DUSP15: variants seen among roughly 807,000 people sequenced by gnomAD.
DUSP15 encodes dual specificity protein phosphatase 15.
DUSP15 carries 23 observed loss-of-function variants against 26.3 expected under a neutral mutation model. The observed-to-expected ratio is 0.87, with a 90% CI of 0.63 to 1.24. DUSP15 has a LOEUF of 1.24. Ranked by LOEUF, DUSP15 falls within the 50% of genes most tolerant of loss-of-function variation. The pLI is 0.00. For missense variants in DUSP15, 364 were observed against 320.6 expected (o/e 1.14, Z -1.03); for synonymous variants, 143 against 135.5 (o/e 1.06, Z -0.39).
In DUSP15 at chr20:31,848,715, G is replaced by A; in HGVS notation, c.726+91C>T. The A allele has an allele frequency of 2.7e-6, 4 of 1,488,698 alleles. No individual in the cohort carries two copies. The South Asian group carries it at 3.9e-5, about 14-fold the overall frequency. 92.2% of individuals were successfully genotyped at this position (1,488,698 alleles called of 1,614,324 possible). A position where few individuals can be genotyped will look rare whatever the true frequency, so the allele number is the denominator to read the frequency against. ...ACCCGAGGGTGCTAGAAGTGTCAGA[G>A]GCAGAGCTGGGACTGGAGGGAGTGT... On this transcript the variant is annotated intron_variant, in intron 9 of 9. Coordinates refer to the DUSP15 transcript ENST00000278979.
intron 3 of DUSP15, among the ~76,000 whole-genome samples, chr20:31,866,835 G>C (rs1196581587): frequency 6.6e-6 from 1 of 152,198 alleles, no homozygotes; most frequent in Admixed American, 6.5e-5. Flanking sequence ...TAGATGGCCT[G>C]TGTTCATACC....
intron 9 of DUSP15, chr20:31,848,595 C>A (rs746154030): frequency 6.5e-6 from 10 of 1,537,908 alleles, no homozygotes; most frequent in Non-Finnish European, 7.0e-6. Flanking sequence ...GATGAGCAGA[C>A]CCTCTCCATT....
Position 31,850,611 on chromosome 20 carries a change from C to A in DUSP15, c.491+1G>T, listed in dbSNP as rs779030475. 6.2e-7 allele frequency: 1 copy of A among 1,610,758 alleles called. No individual in the cohort carries two copies. Among genetic ancestry groups the A allele is most frequent in the South Asian group, 1.1e-5 (1 of 90,352 alleles). ...GAGGGGAGGGGATTTCGATTCCTTACCAGGTTGCTGAAGTCATCGGAGGGC... is the reference window on the plus strand; with the variant it reads ...GAGGGGAGGGGATTTCGATTCCTTAACAGGTTGCTGAAGTCATCGGAGGGC... On this transcript the variant is annotated splice_donor_variant, in intron 7 of 9. Coordinates refer to the DUSP15 transcript ENST00000278979. LOFTEE classifies it high-confidence loss of function.
In DUSP15 at chr20:31,850,645, C is replaced by A. The variant is rs938926916; in HGVS notation, c.458G>T (p.Gly153Val). Residue 153 changes from glycine to valine, a missense_variant, in exon 7 of 10, where the codon GGT becomes GTT. Gly to Val is a moderately radical substitution (Grantham distance 109). Transcript: ENST00000278979. ...TGAAGTCATCGGAGGGCATTGGGCA[C>A]CAGAGGTTTTTGAGGTCCTATGTCT... The A allele has an allele frequency of 6.2e-6, 10 of 1,611,804 alleles. No homozygotes were observed. The African/African-American group carries it at 1.3e-4, about 22-fold the overall frequency.
exon 9 of DUSP15, chr20:31,848,844 G>A: frequency 6.2e-7 from 1 of 1,612,278 alleles, no homozygotes. Context: ...TGCTGTGTGG[G>A]GCCCGGGTCC....
At chr20:31,865,030 G>A (rs180985537) in intron 3 of DUSP15, 28 bp from the exon 4 acceptor site, 34 of 1,613,880 alleles carry the variant, frequency 2.1e-5, no homozygotes, top group Non-Finnish European at 2.0e-5. Context: ...ACTCAGGCAG[G>A]GGACCTTGCC....
rs2062873649 is a variant in DUSP15, at chr20:31,869,662, C to T, written c.22-65G>A. 3 of 1,592,584 alleles carry T rather than the reference C, an allele frequency of 1.9e-6. No individual in the cohort carries two copies. The Admixed American group carries it at 5.3e-5, about 28-fold the overall frequency. ...GCACCCCCTTCCACCCCCAGGGCAG[C>T]TGGGGGGCCCACAGCCCCTCTCTGT... On this transcript the variant is annotated intron_variant, in intron 1 of 6. Coordinates refer to ENST00000339738, the MANE Select transcript of DUSP15 (RefSeq NM_080611.5).
chr20:31,859,920 T>C (rs896237554), downstream of DUSP15, among the ~76,000 whole-genome samples: 15 of 152,222 alleles, frequency 9.9e-5, no homozygotes, highest in Admixed American at 3.3e-4. Context: ...TAACTCATGA[T>C]GGTAGGTAGT....
At chr20:31,850,688 G>C (rs568417155) in intron 6 of DUSP15, 1 of 1,609,696 alleles carries the variant, frequency 6.2e-7, no homozygotes, top group African/African-American at 1.3e-5. Context: ...TGGTGAAGGA[G>C]AGGAAGCAGT....
Position 31,861,271 on chromosome 20 carries a change from G to C in DUSP15, c.*132C>G, listed in dbSNP as rs2062642286. 11 of 1,363,728 alleles carry C rather than the reference G, an allele frequency of 8.1e-6. No individual in the cohort carries two copies. The highest frequency in any genetic ancestry group is 2.6e-4 in the Middle Eastern group (1 of 3,902). 84.5% of individuals were successfully genotyped at this position (1,363,728 alleles called of 1,614,324 possible). A position where few individuals can be genotyped will look rare whatever the true frequency, so the allele number is the denominator to read the frequency against. Reference sequence around the variant, plus strand: ...ACTGCAGACGCGGACGAGCAGGGCGGGCGCGGGAGGCAGGGTTCAGGCCGC... The same window carrying C: ...ACTGCAGACGCGGACGAGCAGGGCGCGCGCGGGAGGCAGGGTTCAGGCCGC... On this transcript the variant is annotated 3_prime_UTR_variant, in exon 7 of 7. Coordinates refer to ENST00000339738, the MANE Select transcript of DUSP15 (RefSeq NM_080611.5).
chr20:31,848,833 G>T (rs1249284193), exon 9 of DUSP15: 34 of 1,612,126 alleles, frequency 2.1e-5, no homozygotes, highest in Non-Finnish European at 2.7e-5. Flanking sequence ...GCTCCTTGGG[G>T]TGCTGTGTGG....
intron 5 of DUSP15, 102 bp from the exon 6 acceptor site, chr20:31,862,844 G>A (rs2062690667): frequency 7.9e-7 from 1 of 1,259,258 alleles, no homozygotes; most frequent in Non-Finnish European, 1.1e-6. Flanking sequence ...TGCCTCCTGA[G>A]CTCCAACCAT....
At chr20:31,853,516 TAA>T (rs149043582) in intron 6 of DUSP15, among the ~76,000 whole-genome samples, 1 of 151,622 alleles carries the variant, frequency 6.6e-6, no homozygotes, top group Non-Finnish European at 1.5e-5. Flanking sequence ...CTGTCTCTAC[TAA>T]AAAAAATAAA....
chr20:31,850,731 A>C (rs1040700562), intron 6 of DUSP15: 1 of 1,570,296 alleles, frequency 6.4e-7, no homozygotes. Flanking sequence ...CCAGACCCAT[A>C]GATAAGGAGG....
chr20:31,849,512 C>G (rs1241494092), intron 8 of DUSP15: 1 of 788,280 alleles, frequency 1.3e-6, no homozygotes, highest in Admixed American at 1.7e-5. Context: ...CCACGCCACT[C>G]TGTTCCACTC....
rs760955797 is a variant in DUSP15, at chr20:31,864,937, A to C, written c.188+16T>G. On this transcript the variant is annotated intron_variant, in intron 4 of 6. Coordinates refer to ENST00000339738, the MANE Select transcript of DUSP15 (RefSeq NM_080611.5). ...CAGCTGTCTGTCCATCTATGGGTCC[A>C]TCCAGGGGAACTTACATGGGTACCT... is the stretch of plus-strand genomic sequence containing the variant. 1.2e-6 allele frequency: 2 copies of C among 1,612,396 alleles called. No homozygotes were observed. Among genetic ancestry groups the C allele is most frequent in the African/African-American group, 1.3e-5 (1 of 74,450 alleles).
chr20:31,864,252 T>G (rs748708511), intron 4 of DUSP15: 16 of 1,198,746 alleles, frequency 1.3e-5, no homozygotes, highest in Non-Finnish European at 1.6e-5. Context: ...GACCCTGTTT[T>G]CATGTTGGGT....
chr20:31,868,280 G>A (rs950156531), intron 2 of DUSP15, among the ~76,000 whole-genome samples: 1 of 152,134 alleles, frequency 6.6e-6, no homozygotes, highest in African/African-American at 2.4e-5. Context: ...AATACTCACA[G>A]AAATCAAGGT....
downstream of DUSP15, among the ~76,000 whole-genome samples, chr20:31,860,852 G>C (rs1157739906): frequency 6.6e-6 from 1 of 152,208 alleles, no homozygotes; most frequent in Non-Finnish European, 1.5e-5. Context: ...GGACACCGTG[G>C]CTTTGGGGGA....
Sources: allele counts gnomAD v4.1 joint callset (sites outside exome capture counted in the v4.1 genomes callset), GRCh38; gene constraint gnomAD v4.1.1; transcripts MANE v1.5; gene names NCBI Gene and HGNC (gene_info 2026-07-23, HGNC 2026-07-21).